The following MDFIC2 variants were observed in gnomAD, a reference collection of about 807,000 sequenced individuals.
MDFIC2 encodes the protein MyoD family inhibitor domain containing 2, also known as myoD family inhibitor domain-containing protein 2.
In MDFIC2 at chr3:70,215,329, C is replaced by T. The variant is rs756574027; in HGVS notation, c.89-8539G>A. Among the ~76,000 whole-genome samples the T allele has an allele frequency of 4.6e-4, 70 of 152,136 alleles. 1 individual carries two copies. The Middle Eastern group carries it at 0.01, about 22-fold the overall frequency. Reference sequence around the variant, plus strand: ...CCTATGGCAGTCAGACTTTGCATTTCGAAACTGCTTCAGAAACGAAGCACT... The same window carrying T: ...CCTATGGCAGTCAGACTTTGCATTTTGAAACTGCTTCAGAAACGAAGCACT... On this transcript the variant is annotated intron_variant, in intron 2 of 3. Transcript: ENST00000567252.
In MDFIC2 at chr3:70,288,371, G is replaced by C. The variant is rs1260792205; in HGVS notation, c.88+23515C>G. Among the ~76,000 whole-genome samples, 7 of 138,428 alleles carry C rather than the reference G, an allele frequency of 5.1e-5. No individual in the cohort carries two copies. The East Asian group carries it at 1.5e-3, about 30-fold the overall frequency. The allele number at this position is 138,428 out of a possible 152,430, so 90.8% of individuals were successfully genotyped here. On this transcript the variant is annotated intron_variant, in intron 2 of 3. Coordinates refer to ENST00000567252, the MANE Select transcript of MDFIC2 (RefSeq NM_001364677.1). ...AGTTTCCATGTAGTTGAGCGGTTTT[G>C]AGTGAGATTCTTAATCCTGAGTTCT...
chr3:70,245,786 T>C (rs1701702537), intron 2 of MDFIC2, among the ~76,000 whole-genome samples: 1 of 147,128 alleles, frequency 6.8e-6, no homozygotes, highest in Non-Finnish European at 1.5e-5. Flanking sequence ...TCATGAAGGT[T>C]GACAATTTAA....
chr3:70,194,688 C>T lies in MDFIC2; in HGVS notation c.*2238G>A, dbSNP rs75605242. 6.6e-6 allele frequency among the ~76,000 whole-genome samples: 1 copy of T among 152,134 alleles called. No individual in the cohort carries two copies. The highest frequency in any genetic ancestry group is 1.5e-5 in the Non-Finnish European group (1 of 68,024). On this transcript the variant is annotated 3_prime_UTR_variant, in exon 4 of 4. Coordinates refer to ENST00000567252, the MANE Select transcript of MDFIC2 (RefSeq NM_001364677.1). The stretch of plus-strand genomic sequence containing the variant: ...TGGTGATTTTTATGTCTCTAATTGA[C>T]AAGCATTCAATTCACATTTGAAATG...
chr3:70,259,941 G>A lies in MDFIC2; in HGVS notation c.88+51945C>T, dbSNP rs538878250. ...GGAGAAGTGCCAAGTGAAGGGGAAA[G>A]GGGCACTTATAAAACCATCAGATCT... On this transcript the variant is annotated intron_variant, in intron 2 of 3. Transcript: ENST00000567252. Among the ~76,000 whole-genome samples the A allele has an allele frequency of 5.5e-4, 83 of 152,178 alleles. 2 individuals carry two copies. In the South Asian group the frequency reaches 0.017, roughly 30 times the overall value.
intron 2 of MDFIC2, among the ~76,000 whole-genome samples, chr3:70,308,244 T>G (rs989361072): frequency 2.6e-5 from 4 of 152,048 alleles, no homozygotes; most frequent in Non-Finnish European, 4.4e-5. Context: ...TTATTTTATT[T>G]TTTTTTTGTA....
intron 2 of MDFIC2, among the ~76,000 whole-genome samples, chr3:70,228,460 A>G (rs951022537): frequency 3.9e-5 from 6 of 152,052 alleles, no homozygotes; most frequent in Non-Finnish European, 7.4e-5. Flanking sequence ...AGAGATTCAG[A>G]AATAGACTCT....
chr3:70,244,015 G>A (rs181612021), intron 2 of MDFIC2, among the ~76,000 whole-genome samples: 4 of 152,040 alleles, frequency 2.6e-5, no homozygotes, highest in Non-Finnish European at 4.4e-5. Flanking sequence ...TCCCCTCTAC[G>A]CAACTTGACT....
intron 2 of MDFIC2, among the ~76,000 whole-genome samples, chr3:70,304,551 A>T (rs1038258394): frequency 2.0e-5 from 3 of 152,104 alleles, no homozygotes; most frequent in African/African-American, 7.2e-5. Flanking sequence ...GCCGGGGGTC[A>T]GCCTTTGATT....
At chr3:70,305,526 G>A (rs1227511904) in intron 2 of MDFIC2, among the ~76,000 whole-genome samples, 1 of 152,126 alleles carries the variant, frequency 6.6e-6, no homozygotes, top group Non-Finnish European at 1.5e-5. Context: ...TTAATATTTA[G>A]TTATTATAAT....
At chr3:70,240,634 A>G (rs1701658004) in intron 2 of MDFIC2, among the ~76,000 whole-genome samples, 1 of 152,152 alleles carries the variant, frequency 6.6e-6, no homozygotes, top group Admixed American at 6.6e-5. Context: ...TTCAGCGTCA[A>G]TTATAAGTAC....
chr3:70,218,357 A>C (rs1701433970), intron 2 of MDFIC2, among the ~76,000 whole-genome samples: 1 of 152,142 alleles, frequency 6.6e-6, no homozygotes, highest in South Asian at 2.1e-4. Context: ...ATAGGCATGC[A>C]TTAGGTGGGC....
At chr3:70,271,651 A>G (rs1049405437) in intron 2 of MDFIC2, 1 of 152,204 alleles carries the variant, frequency 6.6e-6, no homozygotes, top group African/African-American at 2.4e-5. Flanking sequence ...GACTCATCTA[A>G]GAAGGTCTCT....
In MDFIC2 at chr3:70,196,280, A is replaced by G. The variant is rs72941566; in HGVS notation, c.*646T>C. 0.1 allele frequency among the ~76,000 whole-genome samples: 15,180 copies of G among 152,250 alleles called. 827 individuals are homozygous for G. The highest frequency in any genetic ancestry group is 0.22 in the South Asian group (1,060 of 4,828). On this transcript the variant is annotated 3_prime_UTR_variant, in exon 4 of 4. Transcript: ENST00000567252. ...ATACAATAATATGGTCTAGAATTAT[A>G]GTACTCTCTTGAAGTACACCATATT...
chr3:70,255,806 T>C (rs935368546), intron 2 of MDFIC2, among the ~76,000 whole-genome samples: 1 of 152,136 alleles, frequency 6.6e-6, no homozygotes, highest in African/African-American at 2.4e-5. Context: ...ACATTAGGAA[T>C]TGGGAAATGA....
rs566987246 is a variant in MDFIC2, at chr3:70,283,734, G to C, written c.88+28152C>G. The C allele has an allele frequency of 2.0e-5, 3 of 148,824 alleles. No homozygotes were observed. The East Asian group carries it at 6.0e-4, about 30-fold the overall frequency. The allele number at this position is 148,824 out of a possible 1,614,324, so 9.2% of individuals were successfully genotyped here. A position where few individuals can be genotyped will look rare whatever the true frequency, so the allele number is the denominator to read the frequency against. ...CAAGTTAGAATCTTGATTTCATACA[G>C]AGTAACAGAGAATAAAGAGTATGTA... On this transcript the variant is annotated intron_variant, in intron 2 of 3. Coordinates refer to ENST00000567252, the MANE Select transcript of MDFIC2 (RefSeq NM_001364677.1).
intron 2 of MDFIC2, among the ~76,000 whole-genome samples, chr3:70,246,287 G>T (rs1701708005): frequency 6.6e-6 from 1 of 152,052 alleles, no homozygotes; most frequent in Non-Finnish European, 1.5e-5. Context: ...GTCACACTTT[G>T]TTACTTGAGC....
intron 2 of MDFIC2, among the ~76,000 whole-genome samples, chr3:70,261,163 C>A (rs1453193403): frequency 6.6e-6 from 1 of 152,152 alleles, no homozygotes; most frequent in African/African-American, 2.4e-5. Context: ...CAGTTTGGTT[C>A]CCTTATGCAT....
chr3:70,250,617 G>A (rs777317387), intron 2 of MDFIC2, among the ~76,000 whole-genome samples: 2 of 152,258 alleles, frequency 1.3e-5, no homozygotes, highest in Non-Finnish European at 2.9e-5. Context: ...TTTGTTCAGC[G>A]AATGTGTGTA....
chr3:70,282,989 A>C (rs2106683652), intron 2 of MDFIC2, among the ~76,000 whole-genome samples: 1 of 152,314 alleles, frequency 6.6e-6, no homozygotes, highest in Non-Finnish European at 1.5e-5. Flanking sequence ...AATAAGAAAA[A>C]AATGGAGCAG....
Sources: allele counts gnomAD v4.1 joint callset (sites outside exome capture counted in the v4.1 genomes callset), GRCh38; gene constraint gnomAD v4.1.1; transcripts MANE v1.5; gene names NCBI Gene and HGNC (gene_info 2026-07-23, HGNC 2026-07-21).